Variants in COMMD1 observed in about 807,000 individuals in gnomAD.
COMMD1 encodes COMM domain-containing protein 1.
Under a neutral mutation model 17.2 loss-of-function variants are expected in COMMD1, and 10 were observed. The ratio of observed to expected loss-of-function variants is 0.58; its 90% CI spans 0.36 to 0.99. COMMD1 has a LOEUF of 0.99. COMMD1 is among the 50% of genes least tolerant of loss of function. COMMD1 has a pLI of 0.01. For synonymous variants in COMMD1, 97 were observed against 91.6 expected, an observed-to-expected ratio of 1.06 and a Z score of -0.34; for missense variants, 270 against 231.8, an observed-to-expected ratio of 1.17 and a Z score of -1.07.
chr2:62,045,721 T>G (rs949067242), intron 2 of COMMD1, among the ~76,000 whole-genome samples: 2 of 149,120 alleles, frequency 1.3e-5, no homozygotes, highest in African/African-American at 4.9e-5. Context: ...CATCTTTACT[T>G]TCAAGTTAAT....
At chr2:62,039,542 G>A (rs1670127534) in intron 2 of COMMD1, among the ~76,000 whole-genome samples, 1 of 152,194 alleles carries the variant, frequency 6.6e-6, no homozygotes, top group South Asian at 2.1e-4. Flanking sequence ...ATCAGGGGGA[G>A]TAAGCTGCTC....
At position 62,014,065 on chromosome 2, in the gene COMMD1, A is replaced by C. The variant is rs911703811; in HGVS notation, c.462+13083A>C. Among the ~76,000 whole-genome samples the C allele has an allele frequency of 2.0e-5, 3 of 152,166 alleles. No individual in the cohort carries two copies. The East Asian group carries it at 5.8e-4, about 29-fold the overall frequency. ...TCTTATGTATACTATACCCAATAAA[A>C]TGATTTAAAGAGGAGGAGAGAAAAA... On this transcript the variant is annotated intron_variant, in intron 2 of 2. Coordinates refer to ENST00000311832, the MANE Select transcript of COMMD1 (RefSeq NM_152516.4).
chr2:61,969,086 G>A (rs1317337391), intron 1 of COMMD1: 1 of 432,146 alleles, frequency 2.3e-6, no homozygotes. Context: ...AGCCTCCTGA[G>A]CAGCTGGGAC....
intron 1 of COMMD1, among the ~76,000 whole-genome samples, chr2:61,990,880 A>C (rs1573040085): frequency 2.9e-5 from 1 of 34,812 alleles, no homozygotes; most frequent in Non-Finnish European, 5.3e-5. Context: ...GTCTTTACAA[A>C]AAAAAAAAAA....
At chr2:62,000,569 G>T in intron 1 of COMMD1, 132 bp from the exon 2 acceptor site, 1 of 889,126 alleles carries the variant, frequency 1.1e-6, no homozygotes, top group Non-Finnish European at 1.8e-6. Flanking sequence ...TGAGATTACA[G>T]GTGTGAGCCA....
intron 1 of COMMD1, among the ~76,000 whole-genome samples, chr2:61,925,414 T>G (rs988413820): frequency 6.6e-6 from 1 of 152,044 alleles, no homozygotes; most frequent in Admixed American, 6.5e-5. Flanking sequence ...GAGGGAGTTC[T>G]TTGGTATGGC....
intron 2 of COMMD1, among the ~76,000 whole-genome samples, chr2:62,009,275 T>G (rs947607434): frequency 1.8e-4 from 27 of 152,030 alleles, no homozygotes; most frequent in African/African-American, 6.5e-4. Flanking sequence ...AAGGTATAAT[T>G]TATAGAAGGC....
intron 2 of COMMD1, among the ~76,000 whole-genome samples, chr2:62,104,145 A>C (rs1672259219): frequency 6.6e-6 from 1 of 152,094 alleles, no homozygotes; most frequent in Non-Finnish European, 1.5e-5. Flanking sequence ...AGCCCATTAG[A>C]ATTCTTTTTG....
intron 2 of COMMD1, among the ~76,000 whole-genome samples, chr2:62,113,256 G>A (rs1194649328): frequency 6.6e-6 from 1 of 152,010 alleles, no homozygotes; most frequent in Admixed American, 6.6e-5. Context: ...GGAGGCTGAG[G>A]CAGGAGGATT....
At chr2:62,070,768 G>T (rs952746645) in intron 2 of COMMD1, among the ~76,000 whole-genome samples, 1 of 152,178 alleles carries the variant, frequency 6.6e-6, no homozygotes, top group East Asian at 1.9e-4. Flanking sequence ...AGTGGCTCAC[G>T]CCTATAATCC....
chr2:62,119,457 A>G (rs940227753), intron 2 of COMMD1, among the ~76,000 whole-genome samples: 1 of 152,150 alleles, frequency 6.6e-6, no homozygotes, highest in East Asian at 1.9e-4. Context: ...CTCACAACCC[A>G]TACAACTCCA....
chr2:61,928,719 C>T (rs189845312), intron 1 of COMMD1: 14 of 152,176 alleles, frequency 9.2e-5, no homozygotes, highest in African/African-American at 2.9e-4. Context: ...ATTTTTTAGG[C>T]TAAAGGCATT....
At chr2:62,041,569 T>G (rs67154776) in intron 2 of COMMD1, among the ~76,000 whole-genome samples, 1 of 152,056 alleles carries the variant, frequency 6.6e-6, no homozygotes, top group Non-Finnish European at 1.5e-5. Flanking sequence ...TTCTGTGTTT[T>G]GTGTGGAGAT....
At chr2:62,098,249 T>A (rs2104014163) in intron 2 of COMMD1, among the ~76,000 whole-genome samples, 1 of 151,390 alleles carries the variant, frequency 6.6e-6, no homozygotes, top group Middle Eastern at 3.4e-3. Context: ...TTCTGCCTTC[T>A]GGGTTCAAGC....
chr2:61,993,091 G>A (rs944741775), intron 1 of COMMD1, among the ~76,000 whole-genome samples: 1 of 152,150 alleles, frequency 6.6e-6, no homozygotes, highest in African/African-American at 2.4e-5. Context: ...CACCACTGAA[G>A]CAAGTAATAG....
chr2:61,924,671 C>T (rs149453032), intron 1 of COMMD1, among the ~76,000 whole-genome samples: 8 of 152,220 alleles, frequency 5.3e-5, no homozygotes, highest in East Asian at 1.9e-4. Context: ...TTTCCTATTG[C>T]GATGGCAAAA....
At chr2:62,046,595 G>A (rs1031449189) in intron 2 of COMMD1, among the ~76,000 whole-genome samples, 4 of 152,110 alleles carry the variant, frequency 2.6e-5, no homozygotes, top group Non-Finnish European at 5.9e-5. Context: ...CATTGAAGAA[G>A]TAAAGAGAAG....
intron 1 of COMMD1, among the ~76,000 whole-genome samples, chr2:61,972,874 T>C (rs1355130420): frequency 6.6e-6 from 1 of 152,182 alleles, no homozygotes; most frequent in Non-Finnish European, 1.5e-5. Flanking sequence ...TTTCAGCAAG[T>C]TGGCCAGGCT....
At chr2:62,115,860 CTT>C (rs1240965232) in intron 2 of COMMD1, among the ~76,000 whole-genome samples, 5 of 43,356 alleles carry the variant, frequency 1.2e-4, no homozygotes, top group Non-Finnish European at 2.2e-4. Flanking sequence ...TTCTTTCTTT[CTT>C]TTTTTTTTTT....
Sources: allele counts gnomAD v4.1 joint callset (sites outside exome capture counted in the v4.1 genomes callset), GRCh38; gene constraint gnomAD v4.1.1; transcripts MANE v1.5; gene names NCBI Gene and HGNC (gene_info 2026-07-23, HGNC 2026-07-21).